Variants in ARFIP1 observed in about 807,000 individuals in gnomAD.
ARFIP1 encodes the protein arfaptin-1.
A neutral mutation model predicts 42.5 loss-of-function variants in ARFIP1; 24 were observed. The observed-to-expected ratio is 0.57, with a 90% CI of 0.41 to 0.80. The LOEUF is 0.80. ARFIP1 is among the 30% of genes least tolerant of loss of function. The pLI, the probability that ARFIP1 is intolerant of heterozygous loss-of-function variation, is 0.00. For missense variants in ARFIP1, 354 were observed against 434.0 expected (o/e 0.82, Z 1.64); for synonymous variants, 141 against 153.7 (o/e 0.92, Z 0.61).
At chr4:152,820,794 A>G (rs941567835) in intron 1 of ARFIP1, among the ~76,000 whole-genome samples, 2 of 152,148 alleles carry the variant, frequency 1.3e-5, no homozygotes, top group Non-Finnish European at 2.9e-5. Flanking sequence ...AATCCAAACC[A>G]TATCACACAC....
At chr4:152,801,451 G>A (rs887702326) in intron 1 of ARFIP1, among the ~76,000 whole-genome samples, 1 of 152,174 alleles carries the variant, frequency 6.6e-6, no homozygotes, top group African/African-American at 2.4e-5. Flanking sequence ...GGTTCAAGAT[G>A]TAGCTAGCAG....
At chr4:152,828,274 G>A (rs772044350) in intron 1 of ARFIP1, among the ~76,000 whole-genome samples, 1 of 152,148 alleles carries the variant, frequency 6.6e-6, no homozygotes, top group African/African-American at 2.4e-5. Flanking sequence ...TTAATTTTGC[G>A]AGAAACTACC....
chr4:152,846,068 C>T (rs1320068690), intron 2 of ARFIP1, among the ~76,000 whole-genome samples: 1 of 152,096 alleles, frequency 6.6e-6, no homozygotes. Flanking sequence ...TGGAGGCCAT[C>T]CACCTGTTTT....
At chr4:152,875,378 TAAAAAA>T (rs11302481) in intron 5 of ARFIP1, among the ~76,000 whole-genome samples, 3 of 100,144 alleles carry the variant, frequency 3.0e-5, no homozygotes, top group Non-Finnish European at 6.5e-5. Flanking sequence ...TCTTTTTTTA[TAAAAAA>T]AAAAAAAAAA....
In ARFIP1 at chr4:152,852,028, CTTAA is replaced by C. The variant is rs529065344; in HGVS notation, c.94-11575_94-11572del. 7.2e-5 allele frequency among the ~76,000 whole-genome samples: 11 copies of C among 152,240 alleles called. No homozygotes were observed. In the East Asian group the frequency reaches 1.7e-3, roughly 24 times the overall value. On this transcript the variant is annotated intron_variant, in intron 2 of 8. Coordinates refer to ENST00000353617, the MANE Select transcript of ARFIP1 (RefSeq NM_001025595.3). ...TTGCCAAAAGCATATTTTGTTTTAG[CTTAA>C]TTGTTTGAAAAATATTTTTAAAAAC...
At chr4:152,883,417 GAATA>G (rs1343356360) in intron 7 of ARFIP1, 1 of 151,932 alleles carries the variant, frequency 6.6e-6, no homozygotes, top group Non-Finnish European at 1.5e-5. Flanking sequence ...AGTTTCTATT[GAATA>G]AATAAGCTCA....
At chr4:152,790,472 A>G (rs1274126201) in intron 1 of ARFIP1, among the ~76,000 whole-genome samples, 1 of 152,138 alleles carries the variant, frequency 6.6e-6, no homozygotes, top group Non-Finnish European at 1.5e-5. Context: ...CTTTTCAGAG[A>G]GTAATTTAGT....
rs564811667 is a variant in ARFIP1 at position 152,887,404 on chromosome 4, G to A, written c.792-729G>A. ...ACAGAAATTCATCTAGAGTTGTGTTGTCAAGTATAGTAGCCACACATGTCT... is the reference window on the plus strand; with the variant it reads ...ACAGAAATTCATCTAGAGTTGTGTTATCAAGTATAGTAGCCACACATGTCT... On this transcript the variant is annotated intron_variant, in intron 7 of 8. Transcript: ENST00000353617. Among the ~76,000 whole-genome samples, 3 of 152,084 alleles carry A rather than the reference G, an allele frequency of 2.0e-5. No homozygotes were observed. In the South Asian group the frequency reaches 6.2e-4, roughly 32 times the overall value.
chr4:152,791,577 GT>G, intron 1 of ARFIP1, among the ~76,000 whole-genome samples: 1 of 152,096 alleles, frequency 6.6e-6, no homozygotes, highest in African/African-American at 2.4e-5. Flanking sequence ...TAAAAATCCA[GT>G]AGGTTTCTGG....
At chr4:152,831,972 A>G (rs1731280886) in intron 2 of ARFIP1, among the ~76,000 whole-genome samples, 1 of 144,024 alleles carries the variant, frequency 6.9e-6, no homozygotes, top group Non-Finnish European at 1.5e-5. Context: ...AAATTGTAGT[A>G]TAGTTTTCCA....
intron 3 of ARFIP1, among the ~76,000 whole-genome samples, chr4:152,867,508 G>GT (rs1052919239): frequency 6.6e-6 from 1 of 152,096 alleles, no homozygotes; most frequent in African/African-American, 2.4e-5. Context: ...GAGGGAGACC[G>GT]TGGGGAGAGG....
At chr4:152,804,388 T>C (rs1471747562) in intron 1 of ARFIP1, among the ~76,000 whole-genome samples, 1 of 103,998 alleles carries the variant, frequency 9.6e-6, no homozygotes, top group Non-Finnish European at 1.8e-5. Flanking sequence ...TAACATGTAT[T>C]ATATATTATA....
chr4:152,829,792 G>A (rs1731129328), intron 2 of ARFIP1, 66 bp downstream of exon 2: 1 of 1,247,244 alleles, frequency 8.0e-7, no homozygotes, highest in Non-Finnish European at 1.1e-6. Context: ...TGAGATGAAA[G>A]TAATAGACAA....
chr4:152,892,191 G>T (rs973858014), intron 8 of ARFIP1, among the ~76,000 whole-genome samples: 3 of 152,068 alleles, frequency 2.0e-5, no homozygotes, highest in African/African-American at 7.2e-5. Context: ...ACAGGCGCAT[G>T]CCACCACATC....
chr4:152,890,405 A>C (rs983176404), intron 8 of ARFIP1, among the ~76,000 whole-genome samples: 4 of 152,118 alleles, frequency 2.6e-5, no homozygotes, highest in Non-Finnish European at 4.4e-5. Flanking sequence ...TTATCTTGTA[A>C]ATATTGAAGA....
rs1731103107 is a variant in ARFIP1 at position 152,829,533 on chromosome 4, A to G, written c.-9-92A>G. On this transcript the variant is annotated intron_variant, in intron 1 of 8. Coordinates refer to ENST00000353617, the MANE Select transcript of ARFIP1 (RefSeq NM_001025595.3). ...TTGGTAGGTTGCAATGATAAAAAAT[A>G]TTAAAACGGTGGCTTGTAAGTACTA... is the stretch of plus-strand genomic sequence containing the variant. 5.5e-6 allele frequency: 4 copies of G among 727,246 alleles called. No homozygotes were observed. In the East Asian group the frequency reaches 1.0e-4, roughly 19 times the overall value. 45.0% of individuals were successfully genotyped at this position (727,246 alleles called of 1,614,324 possible). A position where few individuals can be genotyped will look rare whatever the true frequency, so the allele number is the denominator to read the frequency against.
intron 1 of ARFIP1, among the ~76,000 whole-genome samples, chr4:152,795,271 TTTTGCTTTTTTCAGAC>T (rs1731372867): frequency 1.3e-5 from 2 of 152,172 alleles, no homozygotes; most frequent in African/African-American, 2.4e-5. Context: ...ATAGGGATTT[TTTTGCTTTTTTCAGAC>T]TTTGCTTTTT....
intron 2 of ARFIP1, among the ~76,000 whole-genome samples, chr4:152,836,198 T>C (rs1731635760): frequency 1.3e-5 from 2 of 152,200 alleles, no homozygotes; most frequent in Non-Finnish European, 2.9e-5. Flanking sequence ...GGAGATATAA[T>C]ATACAGCATG....
chr4:152,851,212 C>T (rs1191839582), intron 2 of ARFIP1, among the ~76,000 whole-genome samples: 2 of 151,990 alleles, frequency 1.3e-5, no homozygotes, highest in Non-Finnish European at 2.9e-5. Flanking sequence ...ATATGGTCTT[C>T]GGAATGGGAA....
Sources: allele counts gnomAD v4.1 joint callset (sites outside exome capture counted in the v4.1 genomes callset), GRCh38; gene constraint gnomAD v4.1.1; transcripts MANE v1.5; gene names NCBI Gene and HGNC (gene_info 2026-07-23, HGNC 2026-07-21).